Variants in GLIS3 observed in about 807,000 individuals in gnomAD.
The protein encoded by GLIS3 is GLIS family zinc finger 3.
In GLIS3, 53 loss-of-function variants were observed where a neutral mutation model predicts 78.6. That is an observed-to-expected ratio of 0.67 (90% CI 0.54 to 0.85). GLIS3 has a LOEUF of 0.85. GLIS3 is among the 40% of genes least tolerant of loss of function. GLIS3 has a pLI of 0.00. For missense variants in GLIS3, 1,703 were observed against 1,231.1 expected (o/e 1.38, Z -5.74); for synonymous variants, 684 against 509.9 (o/e 1.34, Z -4.60).
At chr9:4,107,752 TA>T (rs34563848) in intron 4 of GLIS3, among the ~76,000 whole-genome samples, 175 of 142,534 alleles carry the variant, frequency 1.2e-3, no homozygotes, top group Middle Eastern at 3.6e-3. Flanking sequence ...ACAGGTTACC[TA>T]AAAAAAAAAA....
upstream of GLIS3, among the ~76,000 whole-genome samples, chr9:4,349,945 C>T (rs907016740): frequency 6.6e-6 from 1 of 152,190 alleles, no homozygotes; most frequent in Admixed American, 6.5e-5. Context: ...AGATAATCTG[C>T]TGCAGAGGCT....
At chr9:4,369,652 T>C in the GLIS3 span, among the ~76,000 whole-genome samples, 2 of 152,122 alleles carry the variant, frequency 1.3e-5, no homozygotes, top group African/African-American at 4.8e-5. Flanking sequence ...ATTCCTCACA[T>C]GCACATGGAG....
chr9:4,371,863 C>T, the GLIS3 span, among the ~76,000 whole-genome samples: 1 of 152,178 alleles, frequency 6.6e-6, no homozygotes, highest in Non-Finnish European at 1.5e-5. Context: ...CTTCTTAGTT[C>T]TTTTGAATAT....
chr9:4,233,110 G>GTGACATCTT (rs1822417802), intron 2 of GLIS3, among the ~76,000 whole-genome samples: 2 of 152,170 alleles, frequency 1.3e-5, no homozygotes, highest in Non-Finnish European at 2.9e-5. Flanking sequence ...AAATACAAAG[G>GTGACATCTT]TGACATCTTT....
chr9:4,304,845 G>A (rs747273366), upstream of GLIS3, among the ~76,000 whole-genome samples: 2 of 152,168 alleles, frequency 1.3e-5, no homozygotes, highest in Admixed American at 6.5e-5. Flanking sequence ...TTCTTACGAT[G>A]TTAAAAGCAC....
At chr9:4,084,662 C>T (rs760985816) in intron 4 of GLIS3, among the ~76,000 whole-genome samples, 1 of 152,158 alleles carries the variant, frequency 6.6e-6, no homozygotes, top group Non-Finnish European at 1.5e-5. Context: ...ACACACTGCT[C>T]TTTGTTATCA....
At chr9:4,437,295 G>C in the GLIS3 span, among the ~76,000 whole-genome samples, 1 of 152,086 alleles carries the variant, frequency 6.6e-6, no homozygotes, top group African/African-American at 2.4e-5. Flanking sequence ...AAAACCACAA[G>C]GAAATAAAAG....
At chr9:3,975,284 A>C (rs1477403890) in intron 4 of GLIS3, 2 of 151,990 alleles carry the variant, frequency 1.3e-5, no homozygotes, top group African/African-American at 4.8e-5. Context: ...AAACAAGTAC[A>C]CTCCCAGGGG....
Position 4,118,386 on chromosome 9 carries a change from C to A in GLIS3, c.1092G>T (p.Pro364=), listed in dbSNP as rs74680081. The change falls in exon 4 of 11, where the codon CCG becomes CCT. Residue 364 remains proline (P), a synonymous_variant. Coordinates refer to ENST00000381971, the MANE Select transcript of GLIS3 (RefSeq NM_001042413.2). The surrounding 1 kb of genome is among the most constrained non-coding windows in gnomAD (Gnocchi z 4.7). The part of the protein sequence containing the change: ...VRGSCIPQPR[P]VPGSQKGVLV... ...GCACGCCCTTCTGGCTGCCGGGCACCGGGCGCGGCTGGGGAATGCAGCTGC... is the reference window on the plus strand; with the variant it reads ...GCACGCCCTTCTGGCTGCCGGGCACAGGGCGCGGCTGGGGAATGCAGCTGC... 2.7e-4 allele frequency: 425 copies of A among 1,600,068 alleles called. 1 individual carries two copies. The African/African-American group carries it at 5.2e-3, about 20-fold the overall frequency.
chr9:3,991,994 G>C (rs184534335), intron 4 of GLIS3, among the ~76,000 whole-genome samples: 1 of 152,196 alleles, frequency 6.6e-6, no homozygotes, highest in African/African-American at 2.4e-5. Context: ...CCGGCCAGTA[G>C]GCTGAATTTT....
intron 2 of GLIS3, among the ~76,000 whole-genome samples, chr9:4,282,942 T>G (rs3892354): frequency 0.48 from 72,878 of 151,750 alleles, 18,551 homozygotes; most frequent in Non-Finnish European, 0.57. Flanking sequence ...CTCTTACCAC[T>G]GTTTTCTGTA....
intron 2 of GLIS3, among the ~76,000 whole-genome samples, chr9:4,251,721 ATGT>A (rs1824409644): frequency 6.6e-6 from 1 of 152,098 alleles, no homozygotes; most frequent in African/African-American, 2.4e-5. Flanking sequence ...ACAATTTGGT[ATGT>A]TTTTGCAGTG....
chr9:4,092,483 G>A (rs1829605076), intron 4 of GLIS3, among the ~76,000 whole-genome samples: 1 of 152,144 alleles, frequency 6.6e-6, no homozygotes, highest in South Asian at 2.1e-4. Context: ...CTGTACAGCT[G>A]CACCACAATA....
intron 9 of GLIS3, among the ~76,000 whole-genome samples, chr9:3,847,274 G>C (rs1214280761): frequency 6.6e-6 from 1 of 152,190 alleles, no homozygotes; most frequent in East Asian, 1.9e-4. Flanking sequence ...AGAGAAAAGA[G>C]GGGCCCAGAT....
At chr9:4,403,581 A>C in the GLIS3 span, among the ~76,000 whole-genome samples, 3 of 152,138 alleles carry the variant, frequency 2.0e-5, no homozygotes, top group Admixed American at 2.0e-4. Context: ...AAAGTTATAA[A>C]GTGTAGAGTT....
chr9:4,032,468 T>G (rs1387280891), intron 4 of GLIS3, among the ~76,000 whole-genome samples: 1 of 152,060 alleles, frequency 6.6e-6, no homozygotes, highest in African/African-American at 2.4e-5. Flanking sequence ...TTTTTATATA[T>G]TTTTAAAAAT....
At chr9:3,884,384 C>G (rs1481386236) in intron 7 of GLIS3, among the ~76,000 whole-genome samples, 1 of 152,114 alleles carries the variant, frequency 6.6e-6, no homozygotes, top group Non-Finnish European at 1.5e-5. Context: ...GGATGAAGAC[C>G]TCCCTTGTCA....
chr9:4,487,299 GT>G, the GLIS3 span, among the ~76,000 whole-genome samples: 3 of 152,158 alleles, frequency 2.0e-5, no homozygotes, highest in Non-Finnish European at 4.4e-5. Context: ...GCCTGTCCAG[GT>G]TGACTCCAAG....
At chr9:4,449,835 C>A in the GLIS3 span, among the ~76,000 whole-genome samples, 1 of 152,198 alleles carries the variant, frequency 6.6e-6, no homozygotes. Context: ...AAAACCCTAT[C>A]TGTAGGTCAC....
Sources: gnomAD v4.1 joint callset for allele counts (sites outside exome capture counted in the v4.1 genomes callset) on GRCh38, gnomAD v4.1.1 for gene constraint, Gnocchi (gnomAD v3.1) non-coding constraint, MANE v1.5 for transcripts, NCBI Gene and HGNC (gene_info 2026-07-23, HGNC 2026-07-21) for gene names.